FBXL17: variants seen among roughly 807,000 people sequenced by gnomAD.
FBXL17 encodes the protein F-box and leucine rich repeat protein 17.
FBXL17 carries 22 observed loss-of-function variants against 66.2 expected under a neutral mutation model. The ratio of observed to expected loss-of-function variants is 0.33; its 90% CI spans 0.24 to 0.47. FBXL17 has a LOEUF of 0.47. FBXL17 is among the 20% of genes least tolerant of loss of function. The pLI is 1.00. For synonymous variants in FBXL17, 474 were observed against 400.5 expected (o/e 1.18, Z -2.19); for missense variants, 878 against 948.2 (o/e 0.93, Z 0.97).
chr5:108,374,306 A>G (rs1749271193), intron 1 of FBXL17, among the ~76,000 whole-genome samples: 1 of 152,248 alleles, frequency 6.6e-6, no homozygotes, highest in Non-Finnish European at 1.5e-5. Context: ...CTACAAGTCA[A>G]GTCTCAACAA....
intron 6 of FBXL17, among the ~76,000 whole-genome samples, chr5:108,116,708 T>G (rs892747433): frequency 2.7e-5 from 4 of 149,828 alleles, no homozygotes; most frequent in African/African-American, 9.8e-5. Context: ...AAGAATGGGA[T>G]GATAGATGAA....
At chr5:108,114,559 A>T (rs2149956998) in intron 6 of FBXL17, among the ~76,000 whole-genome samples, 1 of 152,284 alleles carries the variant, frequency 6.6e-6, no homozygotes, top group East Asian at 1.9e-4. Context: ...TAGGATACTA[A>T]GTGACTTTTA....
intron 6 of FBXL17, among the ~76,000 whole-genome samples, chr5:108,177,700 G>A (rs563455373): frequency 6.6e-6 from 1 of 151,952 alleles, no homozygotes; most frequent in South Asian, 2.1e-4. Flanking sequence ...CCACAAAAAT[G>A]GGTTCCAGTC....
rs189243972 is a variant in FBXL17, at chr5:108,235,203, A to G, written c.1507-10975T>C. On this transcript the variant is annotated intron_variant, in intron 4 of 8. Transcript: ENST00000542267. ...TCTACATGCATGTACCAAACAATAT[A>G]ACAGTATTTCTTGATCTTAATTAGA... Among the ~76,000 whole-genome samples, 4 of 152,306 alleles carry G rather than the reference A, an allele frequency of 2.6e-5. No homozygotes were observed. The East Asian group carries it at 7.7e-4, about 29-fold the overall frequency.
At chr5:108,096,872 G>A (rs1385045651) in intron 6 of FBXL17, among the ~76,000 whole-genome samples, 1 of 152,212 alleles carries the variant, frequency 6.6e-6, no homozygotes, top group African/African-American at 2.4e-5. Flanking sequence ...CTTTGCACTG[G>A]AAGTTAAAAG....
At chr5:108,102,810 G>C (rs1020184841) in intron 6 of FBXL17, among the ~76,000 whole-genome samples, 1 of 152,106 alleles carries the variant, frequency 6.6e-6, no homozygotes, top group African/African-American at 2.4e-5. Flanking sequence ...ACCATCTAAA[G>C]AATTCCTGGC....
At chr5:108,317,639 C>A (rs993589742) in intron 4 of FBXL17, among the ~76,000 whole-genome samples, 2 of 150,790 alleles carry the variant, frequency 1.3e-5, no homozygotes, top group Admixed American at 6.6e-5. Flanking sequence ...TACGTAAGTA[C>A]AATAAAAAAA....
At chr5:108,132,978 G>A (rs1053281238) in intron 6 of FBXL17, among the ~76,000 whole-genome samples, 5 of 152,092 alleles carry the variant, frequency 3.3e-5, no homozygotes, top group Non-Finnish European at 5.9e-5. Context: ...AGAATTTTAA[G>A]GGCCTTCAAA....
At chr5:108,005,777 T>C (rs1753898369) in intron 7 of FBXL17, among the ~76,000 whole-genome samples, 2 of 152,236 alleles carry the variant, frequency 1.3e-5, no homozygotes, top group South Asian at 4.1e-4. Flanking sequence ...ACTGGACTTA[T>C]AACGTGTGGC....
intron 6 of FBXL17, among the ~76,000 whole-genome samples, chr5:108,067,468 C>T (rs1748159980): frequency 6.6e-6 from 1 of 152,034 alleles, no homozygotes; most frequent in Admixed American, 6.6e-5. Flanking sequence ...AAAACAAAAA[C>T]TTAACAGAAT....
At chr5:108,171,757 T>C (rs968183372) in intron 6 of FBXL17, among the ~76,000 whole-genome samples, 2 of 152,198 alleles carry the variant, frequency 1.3e-5, no homozygotes, top group African/African-American at 4.8e-5. Context: ...TAAGATTGGA[T>C]AGTGATATGG....
intron 7 of FBXL17, among the ~76,000 whole-genome samples, chr5:107,888,530 C>T (rs1177318522): frequency 1.3e-5 from 2 of 152,214 alleles, no homozygotes; most frequent in African/African-American, 4.8e-5. Context: ...CACTTCTATT[C>T]TCCCAACAAG....
At chr5:107,993,896 A>G (rs1304072415) in intron 7 of FBXL17, among the ~76,000 whole-genome samples, 1 of 152,214 alleles carries the variant, frequency 6.6e-6, no homozygotes, top group African/African-American at 2.4e-5. Flanking sequence ...TTACCAGATC[A>G]AGCTCATTTC....
chr5:108,006,386 G>A (rs1394441027), intron 7 of FBXL17, among the ~76,000 whole-genome samples: 9 of 152,150 alleles, frequency 5.9e-5, no homozygotes, highest in Admixed American at 1.3e-4. Context: ...AGAGTTGACC[G>A]GGCTTGCAAA....
chr5:107,965,793 A>G (rs980732816), intron 7 of FBXL17, among the ~76,000 whole-genome samples: 61 of 152,310 alleles, frequency 4.0e-4, no homozygotes, highest in African/African-American at 1.3e-3. Context: ...GACATAGTCT[A>G]GTGTACAGAT....
intron 7 of FBXL17, among the ~76,000 whole-genome samples, chr5:107,920,012 A>C: frequency 6.6e-6 from 1 of 152,180 alleles, no homozygotes; most frequent in East Asian, 1.9e-4. Flanking sequence ...CAACCTTCTA[A>C]GATCTAGTTT....
At chr5:108,310,745 A>G (rs1759074838) in intron 4 of FBXL17, among the ~76,000 whole-genome samples, 1 of 152,188 alleles carries the variant, frequency 6.6e-6, no homozygotes, top group Non-Finnish European at 1.5e-5. Context: ...CAATCATTAC[A>G]CCACTACTTA....
chr5:108,194,473 G>C (rs546948759), intron 5 of FBXL17, among the ~76,000 whole-genome samples: 5 of 152,200 alleles, frequency 3.3e-5, no homozygotes, highest in Admixed American at 2.6e-4. Context: ...TCATTAATTG[G>C]CAACAGCCGC....
intron 6 of FBXL17, among the ~76,000 whole-genome samples, chr5:108,109,107 T>A (rs158179): frequency 0.32 from 48,392 of 151,826 alleles, 8,169 homozygotes; most frequent in East Asian, 0.55. Flanking sequence ...CAAAGACCTA[T>A]TGGGAAAGTA....
Sources: gnomAD v4.1 joint callset for allele counts (sites outside exome capture counted in the v4.1 genomes callset) on GRCh38, gnomAD v4.1.1 for gene constraint, MANE v1.5 for transcripts, NCBI Gene and HGNC (gene_info 2026-07-23, HGNC 2026-07-21) for gene names.